SKAP2: variants seen among roughly 807,000 people sequenced by gnomAD.
SKAP2 encodes the protein src kinase-associated phosphoprotein 2.
In SKAP2, 28 loss-of-function variants were observed where a neutral mutation model predicts 54.9. That is an observed-to-expected ratio of 0.51 (90% CI 0.38 to 0.70). SKAP2 has a LOEUF of 0.70. Among genes scored for constraint, SKAP2 ranks in the 30% least tolerant of loss-of-function variants. The probability of loss-of-function intolerance (pLI) is 0.00; values close to 1 mark genes in which losing one functional copy is unlikely to be tolerated. For synonymous variants in SKAP2, 137 were observed against 134.3 expected (o/e 1.02, Z -0.14); for missense variants, 356 against 424.1 (o/e 0.84, Z 1.41).
At chr7:26,767,297 G>C (rs1323304370) in intron 4 of SKAP2, among the ~76,000 whole-genome samples, 1 of 152,108 alleles carries the variant, frequency 6.6e-6, no homozygotes, top group East Asian at 1.9e-4. Context: ...CTGTATTTCT[G>C]TGGGATCAGT....
intron 4 of SKAP2, among the ~76,000 whole-genome samples, chr7:26,819,810 T>C (rs1214981272): frequency 6.6e-6 from 1 of 152,062 alleles, no homozygotes; most frequent in Non-Finnish European, 1.5e-5. Flanking sequence ...CTATATTATA[T>C]ATCTGGGAAT....
At chr7:26,665,239 A>G (rs564170903), downstream of SKAP2, among the ~76,000 whole-genome samples, 2 of 152,318 alleles carry the variant, frequency 1.3e-5, no homozygotes, top group African/African-American at 4.8e-5. Context: ...CACTTGCCCC[A>G]AGCTGCCCGA....
intron 9 of SKAP2, among the ~76,000 whole-genome samples, chr7:26,711,583 G>A (rs2127950208): frequency 6.6e-6 from 1 of 152,320 alleles, no homozygotes; most frequent in African/African-American, 2.4e-5. Flanking sequence ...GGCAGTCCAG[G>A]GAAGGGCTAA....
At chr7:26,861,472 T>A (rs1046314715) in intron 1 of SKAP2, among the ~76,000 whole-genome samples, 1 of 152,110 alleles carries the variant, frequency 6.6e-6, no homozygotes, top group Non-Finnish European at 1.5e-5. Flanking sequence ...TCTGTTCATA[T>A]AACCAAAAGA....
chr7:26,663,925 T>TA (rs145310835), downstream of SKAP2, among the ~76,000 whole-genome samples: 3,077 of 152,310 alleles, frequency 0.02, 90 homozygotes, highest in African/African-American at 0.07. Context: ...TTGGATCTGA[T>TA]ATGATAACCA....
chr7:26,748,644 T>C (rs1408302784), intron 4 of SKAP2, among the ~76,000 whole-genome samples: 5 of 152,164 alleles, frequency 3.3e-5, no homozygotes, highest in African/African-American at 9.6e-5. Context: ...TTAAAAAGTC[T>C]ATAATACATA....
At chr7:26,819,536 T>G (rs1211690382) in intron 4 of SKAP2, among the ~76,000 whole-genome samples, 1 of 150,632 alleles carries the variant, frequency 6.6e-6, no homozygotes, top group Non-Finnish European at 1.5e-5. Context: ...AAGCTGCGCA[T>G]TCTGCACATG....
chr7:26,664,509 T>C (rs908203286), downstream of SKAP2, among the ~76,000 whole-genome samples: 3 of 152,140 alleles, frequency 2.0e-5, no homozygotes, highest in African/African-American at 7.2e-5. Context: ...TTAACCAGCA[T>C]ACACTAGTGT....
chr7:26,849,308 C>A (rs1194350429), intron 3 of SKAP2, among the ~76,000 whole-genome samples: 3 of 151,728 alleles, frequency 2.0e-5, no homozygotes, highest in Non-Finnish European at 2.9e-5. Context: ...TTTTTTTTTA[C>A]AATTAGAGCA....
intron 4 of SKAP2, among the ~76,000 whole-genome samples, chr7:26,808,646 T>C (rs201740283): frequency 6.6e-6 from 1 of 150,770 alleles, no homozygotes; most frequent in Non-Finnish European, 1.5e-5. Flanking sequence ...TTTACCATAA[T>C]AAAAAAAAAG....
intron 4 of SKAP2, among the ~76,000 whole-genome samples, chr7:26,829,495 A>T (rs1189080501): frequency 6.6e-6 from 1 of 152,158 alleles, no homozygotes; most frequent in Admixed American, 6.5e-5. Flanking sequence ...GAGGGCCCTG[A>T]TCATACCACA....
At chr7:26,663,960 C>T (rs1786062548), downstream of SKAP2, among the ~76,000 whole-genome samples, 1 of 152,150 alleles carries the variant, frequency 6.6e-6, no homozygotes. Context: ...GACTAGTGAG[C>T]CAAATTCAGC....
At position 26,682,955 on chromosome 7, in the gene SKAP2, C is replaced by T. The variant is rs569210592; in HGVS notation, c.987+1781G>A. ...TTGTTTCACAGCCAGTTCTGGAAGCCGGTGCTCTACCCAGGCTTTCAGCAA... is the reference window on the plus strand; with the variant it reads ...TTGTTTCACAGCCAGTTCTGGAAGCTGGTGCTCTACCCAGGCTTTCAGCAA... On this transcript the variant is annotated intron_variant, in intron 11 of 12. Coordinates refer to ENST00000345317, the MANE Select transcript of SKAP2 (RefSeq NM_003930.5). Among the ~76,000 whole-genome samples the T allele has an allele frequency of 5.3e-5, 8 of 152,276 alleles. No individual in the cohort carries two copies. The South Asian group carries it at 8.3e-4, about 16-fold the overall frequency.
Position 26,752,387 on chromosome 7 carries a change from T to C in SKAP2, c.308-12423A>G, listed in dbSNP as rs145614617. Among the ~76,000 whole-genome samples the C allele has an allele frequency of 2.0e-5, 3 of 152,288 alleles. No individual in the cohort carries two copies. The East Asian group carries it at 5.8e-4, about 29-fold the overall frequency. ...CATAGGGCTGTTTTGTATAACATCA[T>C]TCATATTGAGCCAAAAGCTTAATGC... On this transcript the variant is annotated intron_variant, in intron 4 of 12. Transcript: ENST00000345317.
intron 4 of SKAP2, among the ~76,000 whole-genome samples, chr7:26,829,675 A>G (rs1434641631): frequency 6.6e-6 from 1 of 152,216 alleles, no homozygotes. Flanking sequence ...ATTATTAGTC[A>G]TTACAGAAGT....
intron 1 of SKAP2, chr7:26,857,461 T>C: frequency 1.0e-6 from 1 of 985,288 alleles, no homozygotes; most frequent in African/African-American, 1.7e-5. Flanking sequence ...CCGTTTCTTT[T>C]AGAATCGAAT....
intron 4 of SKAP2, among the ~76,000 whole-genome samples, chr7:26,814,018 C>T (rs900128321): frequency 6.6e-6 from 1 of 152,030 alleles, no homozygotes; most frequent in Non-Finnish European, 1.5e-5. Context: ...ACAGATTTAG[C>T]TGTGATATTT....
At chr7:26,703,229 T>A (rs1290826505) in intron 9 of SKAP2, among the ~76,000 whole-genome samples, 2 of 152,062 alleles carry the variant, frequency 1.3e-5, no homozygotes, top group Non-Finnish European at 2.9e-5. Flanking sequence ...CAATACCTGA[T>A]GAGCTTTAAA....
intron 9 of SKAP2, among the ~76,000 whole-genome samples, chr7:26,712,860 C>T (rs1322095747): frequency 6.6e-6 from 1 of 152,100 alleles, no homozygotes; most frequent in Admixed American, 6.5e-5. Context: ...ATAAAGTTGT[C>T]CAGGGAGAAG....
Sources: gnomAD v4.1 joint callset for allele counts (sites outside exome capture counted in the v4.1 genomes callset) on GRCh38, gnomAD v4.1.1 for gene constraint, MANE v1.5 for transcripts, NCBI Gene and HGNC (gene_info 2026-07-23, HGNC 2026-07-21) for gene names.